The following ZCCHC10 variants were observed in gnomAD, a reference collection of about 807,000 sequenced individuals.
ZCCHC10 encodes the protein zinc finger CCHC-type containing 10.
In ZCCHC10, 16 loss-of-function variants were observed where a neutral mutation model predicts 19.5. The ratio of observed to expected loss-of-function variants is 0.82; its 90% CI spans 0.56 to 1.25. The LOEUF (loss-of-function observed/expected upper bound fraction) is 1.25, where lower values mean the gene tolerates loss of function less well. Among genes scored for constraint, ZCCHC10 ranks in the 50% most tolerant of loss-of-function variants. ZCCHC10 has a pLI of 0.00. For missense variants in ZCCHC10, 197 were observed against 201.0 expected, an observed-to-expected ratio of 0.98 and a Z score of 0.12; for synonymous variants, 67 against 72.5, an observed-to-expected ratio of 0.92 and a Z score of 0.38.
chr5:133,013,402 C>A (rs1561546789), intron 2 of ZCCHC10, among the ~76,000 whole-genome samples: 1 of 151,808 alleles, frequency 6.6e-6, no homozygotes, highest in Admixed American at 6.6e-5. Flanking sequence ...AAAATAAAAA[C>A]TAGTAATAGC....
intron 1 of ZCCHC10, among the ~76,000 whole-genome samples, chr5:133,025,503 C>CAA (rs74843776): frequency 0.02 from 358 of 18,284 alleles, 4 homozygotes; most frequent in Middle Eastern, 0.091. Context: ...GACTCCGCCT[C>CAA]AAAAAAAAAA....
At chr5:133,002,956 G>A (rs1435480976) in intron 3 of ZCCHC10, among the ~76,000 whole-genome samples, 1 of 152,094 alleles carries the variant, frequency 6.6e-6, no homozygotes, top group Non-Finnish European at 1.5e-5. Context: ...TTGACCTCAG[G>A]CGATCCACCC....
At chr5:133,016,503 C>T (rs1251564712) in intron 2 of ZCCHC10, among the ~76,000 whole-genome samples, 2 of 151,904 alleles carry the variant, frequency 1.3e-5, no homozygotes, top group Non-Finnish European at 1.5e-5. Flanking sequence ...AGTGCAATGG[C>T]GCAATCTTGG....
intron 2 of ZCCHC10, among the ~76,000 whole-genome samples, chr5:133,008,169 G>A (rs1216528737): frequency 1.3e-5 from 2 of 148,394 alleles, no homozygotes; most frequent in African/African-American, 5.0e-5. Context: ...AGCTTGCAGT[G>A]AGCCGAGATT....
chr5:133,005,978 C>CTTTTTTTTTTTTTTTT (rs760600232), intron 3 of ZCCHC10, among the ~76,000 whole-genome samples: 1 of 97,782 alleles, frequency 1.0e-5, no homozygotes, highest in Non-Finnish European at 1.9e-5. Context: ...GAAGATGCTG[C>CTTTTTTTTTTTTTTTT]TTTTTTTTTT....
At chr5:133,023,488 G>A (rs866166936) in intron 1 of ZCCHC10, among the ~76,000 whole-genome samples, 13 of 131,622 alleles carry the variant, frequency 9.9e-5, no homozygotes, top group Non-Finnish European at 1.1e-4. Context: ...TTTAAAGAAC[G>A]ATAAAGCCAG....
chr5:132,998,820 A>G lies in ZCCHC10; in HGVS notation c.342T>C (p.Ser114=). The stretch of plus-strand genomic sequence containing the variant: ...AATCACTGGCAGAACTGTCACTGCT[A>G]CTGCTACTGGAACTGGTTACACTCT... ...RSKSVTSSSS[S]SSDSSASDSS... The change falls in exon 5 of 5, where the codon AGT becomes AGC. Residue 114 remains serine (S), a synonymous_variant. Coordinates refer to ENST00000509437, the MANE Select transcript of ZCCHC10 (RefSeq NM_001300816.3). 6.2e-7 allele frequency: 1 copy of G among 1,614,204 alleles called. No individual in the cohort carries two copies. The highest frequency in any genetic ancestry group is 1.1e-5 in the South Asian group (1 of 91,074).
intron 2 of ZCCHC10, among the ~76,000 whole-genome samples, chr5:133,017,168 T>C (rs745937980): frequency 4.6e-5 from 7 of 152,168 alleles, no homozygotes; most frequent in Non-Finnish European, 7.3e-5. Flanking sequence ...CACTACTGGA[T>C]GACCTCTGCA....
chr5:133,019,456 G>C (rs962707787), intron 2 of ZCCHC10, among the ~76,000 whole-genome samples: 1 of 151,990 alleles, frequency 6.6e-6, no homozygotes, highest in Non-Finnish European at 1.5e-5. Flanking sequence ...GTATTGTAAC[G>C]GTACAGGCTT....
chr5:133,010,033 T>G (rs1763390336), intron 2 of ZCCHC10, among the ~76,000 whole-genome samples: 1 of 151,670 alleles, frequency 6.6e-6, no homozygotes, highest in Non-Finnish European at 1.5e-5. Flanking sequence ...AGCAAGGTTT[T>G]AAATTTGGGT....
intron 2 of ZCCHC10, among the ~76,000 whole-genome samples, chr5:133,011,929 A>G (rs1426915234): frequency 6.6e-6 from 1 of 152,032 alleles, no homozygotes; most frequent in African/African-American, 2.4e-5. Flanking sequence ...CAGAAGTTCG[A>G]GACCAGTGTG....
chr5:133,001,041 A>C (rs1449340740), intron 3 of ZCCHC10, among the ~76,000 whole-genome samples: 1 of 152,144 alleles, frequency 6.6e-6, no homozygotes, highest in Non-Finnish European at 1.5e-5. Flanking sequence ...AGGGACAAAT[A>C]GCTTGCTGCT....
intron 2 of ZCCHC10, among the ~76,000 whole-genome samples, chr5:133,017,145 C>T (rs1763977176): frequency 6.6e-6 from 1 of 151,846 alleles, no homozygotes. Flanking sequence ...TGACACCCTG[C>T]ATTGGACTTC....
intron 2 of ZCCHC10, among the ~76,000 whole-genome samples, chr5:133,018,381 G>GA (rs1180894250): frequency 6.6e-6 from 1 of 151,402 alleles, no homozygotes; most frequent in Non-Finnish European, 1.5e-5. Context: ...CTCCTGGGCT[G>GA]AAGCAATCCT....
intron 2 of ZCCHC10, among the ~76,000 whole-genome samples, chr5:133,015,448 G>C (rs1342253086): frequency 6.6e-6 from 1 of 152,110 alleles, no homozygotes; most frequent in African/African-American, 2.4e-5. Context: ...TTGTGGAATT[G>C]TAATTCCCCT....
chr5:133,009,703 C>A (rs1763371612), intron 2 of ZCCHC10, among the ~76,000 whole-genome samples: 2 of 151,096 alleles, frequency 1.3e-5, no homozygotes, highest in African/African-American at 4.9e-5. Context: ...CTGGGTGTGT[C>A]TGTCCATCGC....
intron 2 of ZCCHC10, 101 bp from the exon 3 acceptor site, chr5:133,007,021 T>C: frequency 3.5e-6 from 4 of 1,130,784 alleles, no homozygotes; most frequent in Non-Finnish European, 4.8e-6. Flanking sequence ...TGTTTACTCT[T>C]ATGGTCCAAT....
intron 2 of ZCCHC10, among the ~76,000 whole-genome samples, chr5:133,011,117 A>AT (rs928177205): frequency 1.6e-4 from 24 of 149,784 alleles, no homozygotes; most frequent in African/African-American, 3.2e-4. Flanking sequence ...ATTTAAAAAT[A>AT]TTTTTTTTTT....
chr5:133,004,072 T>C (rs2126560257), intron 3 of ZCCHC10, among the ~76,000 whole-genome samples: 1 of 152,322 alleles, frequency 6.6e-6, no homozygotes, highest in East Asian at 1.9e-4. Context: ...TAAATATTTC[T>C]TCATGGTAGA....
Sources: allele counts gnomAD v4.1 joint callset (sites outside exome capture counted in the v4.1 genomes callset), GRCh38; gene constraint gnomAD v4.1.1; transcripts MANE v1.5; gene names NCBI Gene and HGNC (gene_info 2026-07-23, HGNC 2026-07-21).